The following PDE4D variants were observed in gnomAD, a reference collection of about 807,000 sequenced individuals.
PDE4D encodes 3',5'-cyclic-AMP phosphodiesterase 4D.
A neutral mutation model predicts 87.4 loss-of-function variants in PDE4D; 24 were observed. The observed-to-expected ratio is 0.27, with a 90% CI of 0.20 to 0.39. The LOEUF (loss-of-function observed/expected upper bound fraction) is 0.39. Ranked by LOEUF, PDE4D falls within the 10% of genes least tolerant of loss-of-function variation. The probability of loss-of-function intolerance (pLI) is 1.00; values close to 1 mark genes in which losing one functional copy is unlikely to be tolerated. For missense variants in PDE4D, 714 were observed against 1,041.0 expected, an observed-to-expected ratio of 0.69 and a Z score of 4.32; for synonymous variants, 384 against 383.2, an observed-to-expected ratio of 1.00 and a Z score of -0.02.
intron 1 of PDE4D, among the ~76,000 whole-genome samples, chr5:59,316,845 A>G (rs1270547586): frequency 6.6e-6 from 1 of 152,162 alleles, no homozygotes; most frequent in Non-Finnish European, 1.5e-5. Flanking sequence ...CTTCACCTCT[A>G]TGAAAATATT....
At chr5:59,321,888 G>T (rs1469760234) in intron 1 of PDE4D, among the ~76,000 whole-genome samples, 1 of 152,054 alleles carries the variant, frequency 6.6e-6, no homozygotes, top group Non-Finnish European at 1.5e-5. Flanking sequence ...ACACTATAAG[G>T]TCTGCTCAAG....
intron 1 of PDE4D, among the ~76,000 whole-genome samples, chr5:59,670,861 G>C (rs546923858): frequency 6.6e-6 from 1 of 151,454 alleles, no homozygotes; most frequent in Non-Finnish European, 1.5e-5. Context: ...AATAGATGGC[G>C]GTCTTGCTGT....
At chr5:59,792,041 G>C (rs1378394001) in intron 1 of PDE4D, among the ~76,000 whole-genome samples, 2 of 152,202 alleles carry the variant, frequency 1.3e-5, no homozygotes, top group Non-Finnish European at 2.9e-5. Flanking sequence ...GAAAATAGAA[G>C]AGGGACCTTA....
intron 1 of PDE4D, among the ~76,000 whole-genome samples, chr5:59,787,653 T>C: frequency 6.6e-6 from 1 of 152,334 alleles, no homozygotes; most frequent in East Asian, 1.9e-4. Flanking sequence ...TAATTCTATA[T>C]TTTTATGATT....
chr5:59,821,345 G>A (rs1249464201), intron 1 of PDE4D, among the ~76,000 whole-genome samples: 4 of 152,100 alleles, frequency 2.6e-5, no homozygotes, highest in Non-Finnish European at 2.9e-5. Context: ...AAGATTACTC[G>A]CTAAGTTAGT....
chr5:60,362,595 C>A (rs764006733), intron 1 of PDE4D, among the ~76,000 whole-genome samples: 1 of 152,140 alleles, frequency 6.6e-6, no homozygotes, highest in African/African-American at 2.4e-5. Flanking sequence ...CAGTGGCTCA[C>A]GCCTGTAATC....
intron 1 of PDE4D, among the ~76,000 whole-genome samples, chr5:60,433,171 A>C (rs1300472284): frequency 2.6e-5 from 4 of 152,236 alleles, no homozygotes; most frequent in Admixed American, 1.3e-4. Context: ...AAATATTTAC[A>C]AATTGTGCAT....
chr5:60,222,142 G>C (rs187432986), intron 1 of PDE4D, among the ~76,000 whole-genome samples: 2 of 152,180 alleles, frequency 1.3e-5, no homozygotes, highest in African/African-American at 2.4e-5. Context: ...GGTCATAAAA[G>C]CTTCCACCTT....
intron 1 of PDE4D, among the ~76,000 whole-genome samples, chr5:59,547,045 C>G (rs1380934802): frequency 1.3e-5 from 2 of 152,164 alleles, no homozygotes; most frequent in African/African-American, 4.8e-5. Flanking sequence ...CCTTGATTTT[C>G]TGACTGTGTT....
chr5:59,090,639 A>G (rs907213377), intron 5 of PDE4D, among the ~76,000 whole-genome samples: 7 of 152,094 alleles, frequency 4.6e-5, no homozygotes, highest in African/African-American at 1.7e-4. Context: ...TATTATAAAA[A>G]TGTTGGGTAG....
chr5:59,912,294 G>T (rs1369212395), intron 3 of PDE4D, among the ~76,000 whole-genome samples: 1 of 152,188 alleles, frequency 6.6e-6, no homozygotes, highest in African/African-American at 2.4e-5. Context: ...GATAAGAAAA[G>T]ATTTAAGCTA....
At chr5:59,156,867 A>G (rs189591832) in intron 5 of PDE4D, among the ~76,000 whole-genome samples, 4 of 152,354 alleles carry the variant, frequency 2.6e-5, no homozygotes, top group African/African-American at 9.6e-5. Flanking sequence ...TTCTTGGAAC[A>G]GAATGCTATC....
At chr5:59,029,874 G>C (rs1757009484) in intron 6 of PDE4D, among the ~76,000 whole-genome samples, 1 of 152,092 alleles carries the variant, frequency 6.6e-6, no homozygotes, top group African/African-American at 2.4e-5. Context: ...AAGCCCAGAA[G>C]TAAATCCAAG....
At chr5:60,038,534 A>C in intron 2 of PDE4D, among the ~76,000 whole-genome samples, 1 of 152,012 alleles carries the variant, frequency 6.6e-6, no homozygotes, top group Non-Finnish European at 1.5e-5. Context: ...GTAGCCTTGT[A>C]GTATAGTTTG....
intron 1 of PDE4D, among the ~76,000 whole-genome samples, chr5:59,626,236 A>G (rs1830892543): frequency 6.6e-6 from 1 of 152,250 alleles, no homozygotes; most frequent in African/African-American, 2.4e-5. Context: ...TACATCAAAC[A>G]TTTAAATGAA....
intron 5 of PDE4D, among the ~76,000 whole-genome samples, chr5:59,164,240 C>G (rs909124267): frequency 8.5e-5 from 13 of 152,132 alleles, no homozygotes; most frequent in African/African-American, 2.9e-4. Flanking sequence ...AAAGACAAGT[C>G]AGTAAAGGAA....
At chr5:59,007,350 T>C (rs573327118) in intron 6 of PDE4D, among the ~76,000 whole-genome samples, 1 of 152,316 alleles carries the variant, frequency 6.6e-6, no homozygotes, top group African/African-American at 2.4e-5. Context: ...ACTGTTCAGC[T>C]TGAACAAATG....
intron 1 of PDE4D, among the ~76,000 whole-genome samples, chr5:59,403,142 T>TAGAC (rs58074813): frequency 0.2 from 30,337 of 149,644 alleles, 3,298 homozygotes; most frequent in South Asian, 0.31. Context: ...GGTAGGTAGG[T>TAGAC]AGACAGACAG....
At chr5:59,783,350 G>C (rs187279455) in intron 1 of PDE4D, among the ~76,000 whole-genome samples, 1 of 152,114 alleles carries the variant, frequency 6.6e-6, no homozygotes, top group East Asian at 1.9e-4. Context: ...TCAAGATTTG[G>C]AGCCATCCCA....
Sources: gnomAD v4.1 joint callset for allele counts (sites outside exome capture counted in the v4.1 genomes callset) on GRCh38, gnomAD v4.1.1 for gene constraint, MANE v1.5 for transcripts, NCBI Gene and HGNC (gene_info 2026-07-23, HGNC 2026-07-21) for gene names.